The following CSMD1 variants were observed in gnomAD, a reference collection of about 807,000 sequenced individuals.
The protein encoded by CSMD1 is CUB and sushi domain-containing protein 1.
A neutral mutation model predicts 417.5 loss-of-function variants in CSMD1; 213 were observed. The observed-to-expected ratio is 0.51, with a 90% CI of 0.46 to 0.57. The LOEUF is 0.57. Among genes scored for constraint, CSMD1 ranks in the 20% least tolerant of loss-of-function variants. CSMD1 has a pLI of 0.00. For synonymous variants in CSMD1, 2,862 were observed against 1,736.8 expected, an observed-to-expected ratio of 1.65 and a Z score of -16.11; for missense variants, 6,923 against 4,529.7, an observed-to-expected ratio of 1.53 and a Z score of -15.17.
intron 1 of CSMD1, among the ~76,000 whole-genome samples, chr8:4,667,028 A>C (rs1055199735): frequency 6.6e-6 from 1 of 152,182 alleles, no homozygotes; most frequent in Non-Finnish European, 1.5e-5. Flanking sequence ...ACTTTTGTGT[A>C]TAATGTGAGA....
chr8:4,322,733 G>A (rs567601624), intron 3 of CSMD1, among the ~76,000 whole-genome samples: 26 of 152,346 alleles, frequency 1.7e-4, no homozygotes, highest in Middle Eastern at 3.4e-3. Flanking sequence ...CGGGGCTCGT[G>A]CCTGTAATAC....
At chr8:4,269,201 C>G (rs1039947651) in intron 3 of CSMD1, among the ~76,000 whole-genome samples, 2 of 152,028 alleles carry the variant, frequency 1.3e-5, no homozygotes, top group Non-Finnish European at 2.9e-5. Flanking sequence ...GGACTACAGA[C>G]CCGAGCCACC....
intron 49 of CSMD1, among the ~76,000 whole-genome samples, chr8:3,076,041 A>C (rs1380210582): frequency 2.7e-5 from 4 of 146,890 alleles, no homozygotes; most frequent in African/African-American, 1.0e-4. Flanking sequence ...ACAGAGCGAG[A>C]CTCCGTCTCA....
chr8:3,751,326 G>GTGTATA lies in CSMD1; in HGVS notation c.931+2603_931+2604insTATACA, dbSNP rs398006953. On this transcript the variant is annotated intron_variant, in intron 6 of 69. Coordinates refer to ENST00000635120, the MANE Select transcript of CSMD1 (RefSeq NM_033225.6). Reference sequence around the variant, plus strand: ...TGTGTGTGTGTGTGTGTGTGTGTGTGTATATATATATATATACACGAACAC... The same window carrying GTGTATA: ...TGTGTGTGTGTGTGTGTGTGTGTGTGTGTATATATATATATATATATACACGAACAC... 1.0e-3 allele frequency among the ~76,000 whole-genome samples: 138 copies of GTGTATA among 132,918 alleles called. 1 individual carries two copies. Among genetic ancestry groups the GTGTATA allele is most frequent in the Admixed American group, 5.0e-3 (63 of 12,706 alleles). The allele number at this position is 132,918 out of a possible 152,430, so 87.2% of individuals were successfully genotyped here.
chr8:2,979,851 G>C (rs1805257672), intron 54 of CSMD1, among the ~76,000 whole-genome samples: 2 of 152,352 alleles, frequency 1.3e-5, no homozygotes, highest in East Asian at 1.9e-4. Flanking sequence ...AAAAAGCCAT[G>C]TGTGAAGTTC....
intron 11 of CSMD1, among the ~76,000 whole-genome samples, chr8:3,476,677 T>A (rs1052099867): frequency 4.6e-5 from 7 of 151,930 alleles, no homozygotes; most frequent in Admixed American, 1.3e-4. Context: ...AGCACTTTTT[T>A]GAGGCCAAGG....
At chr8:4,893,031 A>G (rs1804228363) in intron 1 of CSMD1, among the ~76,000 whole-genome samples, 1 of 152,162 alleles carries the variant, frequency 6.6e-6, no homozygotes, top group South Asian at 2.1e-4. Flanking sequence ...TGCATGGTCA[A>G]TGTCAAACTG....
At chr8:3,231,163 A>G (rs1798813322) in intron 26 of CSMD1, among the ~76,000 whole-genome samples, 1 of 152,196 alleles carries the variant, frequency 6.6e-6, no homozygotes, top group Non-Finnish European at 1.5e-5. Context: ...TCCAGTTTCT[A>G]TAACTGCTGT....
chr8:2,981,192 T>C (rs1181525536), intron 54 of CSMD1, among the ~76,000 whole-genome samples: 3 of 152,248 alleles, frequency 2.0e-5, no homozygotes, highest in Non-Finnish European at 2.9e-5. Flanking sequence ...TGTGTTTTAC[T>C]GTACAGAGAA....
intron 5 of CSMD1, among the ~76,000 whole-genome samples, chr8:3,925,250 G>C (rs191837488): frequency 1.3e-5 from 2 of 152,330 alleles, no homozygotes; most frequent in African/African-American, 4.8e-5. Flanking sequence ...TATAAGTAAT[G>C]CATTTGGGGA....
intron 3 of CSMD1, among the ~76,000 whole-genome samples, chr8:4,200,172 T>C (rs766050772): frequency 6.6e-6 from 1 of 152,238 alleles, no homozygotes; most frequent in African/African-American, 2.4e-5. Context: ...AAGCTCCTTT[T>C]TAACTACCTG....
intron 1 of CSMD1, chr8:4,787,340 A>G: frequency 1.4e-6 from 1 of 734,292 alleles, no homozygotes; most frequent in Non-Finnish European, 2.5e-6. Context: ...TAATGGCGAC[A>G]GCTGAGGTAC....
chr8:3,143,508 TGA>T (rs1413724317), intron 40 of CSMD1, among the ~76,000 whole-genome samples: 2 of 152,162 alleles, frequency 1.3e-5, no homozygotes, highest in African/African-American at 4.8e-5. Context: ...TAAAAATAAT[TGA>T]GAGTTATTTG....
chr8:3,771,470 G>A (rs927394351), intron 5 of CSMD1, among the ~76,000 whole-genome samples: 4 of 152,160 alleles, frequency 2.6e-5, no homozygotes, highest in African/African-American at 9.7e-5. Context: ...GGGGCAAGCA[G>A]GGCCAGGCCA....
intron 39 of CSMD1, among the ~76,000 whole-genome samples, 190 bp from the exon 40 acceptor site, chr8:3,151,703 G>T (rs1819206003): frequency 6.6e-6 from 1 of 152,168 alleles, no homozygotes; most frequent in African/African-American, 2.4e-5. Flanking sequence ...TCTTGACAGT[G>T]AACTGCTTTA....
intron 49 of CSMD1, among the ~76,000 whole-genome samples, chr8:3,085,971 G>A (rs896360495): frequency 2.0e-5 from 3 of 152,086 alleles, no homozygotes; most frequent in Non-Finnish European, 4.4e-5. Flanking sequence ...AGGAGTTTCT[G>A]CCCATTCCAC....
chr8:3,156,236 C>G (rs74869367), intron 39 of CSMD1, among the ~76,000 whole-genome samples: 2,831 of 152,258 alleles, frequency 0.019, 105 homozygotes, highest in African/African-American at 0.065. Context: ...ACTGTCTGGA[C>G]ATAAATGGGT....
At chr8:3,790,935 C>T (rs1431711085) in intron 5 of CSMD1, among the ~76,000 whole-genome samples, 2 of 152,154 alleles carry the variant, frequency 1.3e-5, no homozygotes, top group Non-Finnish European at 2.9e-5. Context: ...CAACAGATGA[C>T]ACCTGTCATT....
chr8:4,751,087 TA>T (rs1811295844), intron 1 of CSMD1, among the ~76,000 whole-genome samples: 2 of 152,196 alleles, frequency 1.3e-5, no homozygotes, highest in Middle Eastern at 3.4e-3. Context: ...TGTGCATCGT[TA>T]AAGAGAGCAT....
Sources: allele counts gnomAD v4.1 joint callset (sites outside exome capture counted in the v4.1 genomes callset), GRCh38; gene constraint gnomAD v4.1.1; transcripts MANE v1.5; gene names NCBI Gene and HGNC (gene_info 2026-07-23, HGNC 2026-07-21).